Variants in CDH26 observed in about 807,000 individuals in gnomAD.
CDH26 encodes the protein cadherin 26.
Under a neutral mutation model 90.3 loss-of-function variants are expected in CDH26, and 83 were observed. The observed-to-expected ratio is 0.92, with a 90% CI of 0.77 to 1.10. The LOEUF is 1.10. CDH26 is among the 50% of genes least tolerant of loss of function. The pLI is 0.00. For synonymous variants in CDH26, 397 were observed against 396.3 expected, an observed-to-expected ratio of 1.00 and a Z score of -0.02; for missense variants, 1,013 against 1,037.6, an observed-to-expected ratio of 0.98 and a Z score of 0.33.
In CDH26 at chr20:59,995,687, G is replaced by A. The variant is rs575064911; in HGVS notation, c.1667-146G>A. The A allele has an allele frequency of 2.3e-5, 15 of 660,842 alleles. No homozygotes were observed. The East Asian group carries it at 3.5e-4, about 16-fold the overall frequency. 40.9% of individuals were successfully genotyped at this position (660,842 alleles called of 1,614,324 possible). A position where few individuals can be genotyped will look rare whatever the true frequency, so the allele number is the denominator to read the frequency against. ...CTTGCAGTTGATGTCAGAAGTGAGGGTACCCTTGAGGACCCCTCCCTCTAA... is the reference window on the plus strand; with the variant it reads ...CTTGCAGTTGATGTCAGAAGTGAGGATACCCTTGAGGACCCCTCCCTCTAA... On this transcript the variant is annotated intron_variant, in intron 11 of 17. Coordinates refer to ENST00000348616, the MANE Select transcript of CDH26 (RefSeq NM_177980.4).
At chr20:60,017,003 G>C (rs542529879), downstream of CDH26, among the ~76,000 whole-genome samples, 9 of 151,990 alleles carry the variant, frequency 5.9e-5, no homozygotes, top group African/African-American at 2.2e-4. Context: ...TATATTTTTG[G>C]ATTTGGTTTG....
intron 13 of CDH26, among the ~76,000 whole-genome samples, chr20:59,998,030 C>A (rs910461341): frequency 3.9e-5 from 6 of 152,220 alleles, no homozygotes; most frequent in African/African-American, 1.4e-4. Context: ...TCCAAACTCT[C>A]CAGATTGTGA....
chr20:60,011,566 G>C (rs559048920), intron 17 of CDH26, among the ~76,000 whole-genome samples: 1 of 152,176 alleles, frequency 6.6e-6, no homozygotes, highest in Non-Finnish European at 1.5e-5. Context: ...GGATTTGAAG[G>C]CCAGTTCCCA....
intron 9 of CDH26, among the ~76,000 whole-genome samples, chr20:59,990,729 A>ACCC (rs1477081099): frequency 6.6e-6 from 1 of 152,102 alleles, no homozygotes; most frequent in Non-Finnish European, 1.5e-5. Flanking sequence ...CAGCTCACAG[A>ACCC]CCCCTTCTGG....
chr20:60,028,271 A>T (rs1213445593), intron 7 of CDH26, among the ~76,000 whole-genome samples: 1 of 152,220 alleles, frequency 6.6e-6, no homozygotes, highest in Non-Finnish European at 1.5e-5. Context: ...AAATGTTTTC[A>T]CTTATGTAAT....
At chr20:60,008,085 G>C (rs2061778462) in intron 17 of CDH26, among the ~76,000 whole-genome samples, 1 of 152,140 alleles carries the variant, frequency 6.6e-6, no homozygotes, top group South Asian at 2.1e-4. Context: ...GAGGTACCAA[G>C]AAGCTGCCCA....
At position 60,029,365 on chromosome 20, in the gene CDH26, C is replaced by T. The variant is rs567611695; in HGVS notation, c.948-1866C>T. On this transcript the variant is annotated intron_variant, in intron 7 of 8. Coordinates refer to the CDH26 transcript ENST00000370991. ...ACAACGTAGCACCTATAGTCAACAA[C>T]GTAGCATCTATAGTCAACAACGTAG... Among the ~76,000 whole-genome samples the T allele has an allele frequency of 5.2e-3, 784 of 152,048 alleles. 8 individuals carry two copies. The highest frequency in any genetic ancestry group is 0.017 in the African/African-American group (725 of 41,430).
rs910695 is a variant in CDH26, at chr20:60,012,786, A to C, written c.*56A>C. On this transcript the variant is annotated 3_prime_UTR_variant, in exon 18 of 18. Coordinates refer to ENST00000348616, the MANE Select transcript of CDH26 (RefSeq NM_177980.4). Reference sequence around the variant, plus strand: ...AATTCATGGAAGGGAATCACTATTCAGGGATTTTTCCCCTTTGCTCTTCTT... The same window carrying C: ...AATTCATGGAAGGGAATCACTATTCCGGGATTTTTCCCCTTTGCTCTTCTT... The C allele has an allele frequency of 0.27, 422,366 of 1,548,848 alleles. 59,202 individuals are homozygous for C. The highest frequency in any genetic ancestry group is 0.47 in the East Asian group (20,759 of 44,102).
chr20:59,990,754 C>G (rs1236212775), intron 9 of CDH26, among the ~76,000 whole-genome samples: 1 of 152,102 alleles, frequency 6.6e-6, no homozygotes, highest in African/African-American at 2.4e-5. Context: ...CAGTGGTGCA[C>G]CTTGAGTTAG....
intron 4 of CDH26, among the ~76,000 whole-genome samples, chr20:59,977,801 T>G (rs1336588398): frequency 6.6e-6 from 1 of 152,172 alleles, no homozygotes; most frequent in Non-Finnish European, 1.5e-5. Flanking sequence ...AACCCATAGT[T>G]TACATTAGGC....
At chr20:60,008,872 C>T (rs974920805) in intron 17 of CDH26, among the ~76,000 whole-genome samples, 8 of 152,178 alleles carry the variant, frequency 5.3e-5, no homozygotes, top group South Asian at 4.1e-4. Flanking sequence ...ACATCTTCTC[C>T]GGGCCTAGAA....
At chr20:60,018,702 CTTTTTTTTTTTTTTTT>C (rs55994712), downstream of CDH26, among the ~76,000 whole-genome samples, 22 of 17,814 alleles carry the variant, frequency 1.2e-3, no homozygotes, top group Non-Finnish European at 1.9e-3. Flanking sequence ...CTCTTACTGC[CTTTTTTTTTTTTTTTT>C]TTTTTTTTTT....
At chr20:59,994,076 G>C in intron 10 of CDH26, 174 bp from the exon 11 acceptor site, 1 of 732,642 alleles carries the variant, frequency 1.4e-6, no homozygotes, top group Non-Finnish European at 2.2e-6. Flanking sequence ...TATTCTGAAT[G>C]CTCATAAAAG....
intron 1 of CDH26, among the ~76,000 whole-genome samples, chr20:59,960,616 G>A (rs1384505105): frequency 6.6e-6 from 1 of 152,182 alleles, no homozygotes; most frequent in Non-Finnish European, 1.5e-5. Flanking sequence ...TCAGACCAGT[G>A]TCACCCTTCT....
chr20:59,991,287 ACTGTG>A (rs1433377722), intron 9 of CDH26, among the ~76,000 whole-genome samples: 1 of 152,130 alleles, frequency 6.6e-6, no homozygotes, highest in Non-Finnish European at 1.5e-5. Flanking sequence ...AAATGTTTGG[ACTGTG>A]CTGAAATCAA....
chr20:60,032,059 A>G (rs1338463192), intron 8 of CDH26, among the ~76,000 whole-genome samples: 4 of 152,250 alleles, frequency 2.6e-5, no homozygotes, highest in African/African-American at 7.2e-5. Flanking sequence ...TTATAATTCA[A>G]TAACTATCAT....
At chr20:60,012,099 T>G (rs2061851638) in intron 17 of CDH26, among the ~76,000 whole-genome samples, 1 of 151,028 alleles carries the variant, frequency 6.6e-6, no homozygotes, top group African/African-American at 2.4e-5. Context: ...AGCACATTTG[T>G]GGGTCGGGAG....
At chr20:60,001,219 T>G in intron 14 of CDH26, 124 bp from the exon 15 acceptor site, 499 of 1,045,168 alleles carry the variant, frequency 4.8e-4, no homozygotes, top group Non-Finnish European at 6.1e-4. Flanking sequence ...TCTCATCGTG[T>G]TAATTTGTGT....
chr20:59,963,715 C>T lies in CDH26; in HGVS notation c.69+4920C>T, dbSNP rs185673406. Among the ~76,000 whole-genome samples, 14 of 152,188 alleles carry T rather than the reference C, an allele frequency of 9.2e-5. No homozygotes were observed. In the South Asian group the frequency reaches 1.7e-3, roughly 18 times the overall value. ...CTTCACAGAGATTTTCCTAGGACTG[C>T]CCTGGTCTAGAGCCCAGAAGAGAGA... On this transcript the variant is annotated intron_variant, in intron 1 of 17. Transcript: ENST00000348616.
Sources: allele counts gnomAD v4.1 joint callset (sites outside exome capture counted in the v4.1 genomes callset), GRCh38; gene constraint gnomAD v4.1.1; transcripts MANE v1.5; gene names NCBI Gene and HGNC (gene_info 2026-07-23, HGNC 2026-07-21).